FCN2: variants seen among roughly 807,000 people sequenced by gnomAD.
FCN2 encodes ficolin 2.
In FCN2, 31 loss-of-function variants were observed where a neutral mutation model predicts 32.5. The ratio of observed to expected loss-of-function variants is 0.96; its 90% CI spans 0.72 to 1.29. The LOEUF (loss-of-function observed/expected upper bound fraction) is 1.29, where lower values mean the gene tolerates loss of function less well. Ranked by LOEUF, FCN2 falls within the 50% of genes most tolerant of loss-of-function variation. The pLI is 0.00. For synonymous variants in FCN2, 181 were observed against 164.5 expected (o/e 1.10, Z -0.77); for missense variants, 412 against 406.5 (o/e 1.01, Z -0.12).
upstream of FCN2, among the ~76,000 whole-genome samples, chr9:134,879,230 G>C (rs1405727426): frequency 6.6e-6 from 1 of 152,204 alleles, no homozygotes; most frequent in African/African-American, 2.4e-5. Flanking sequence ...TTCTGTTGAA[G>C]TTATCCTGCA....
At chr9:134,881,750 C>T (rs756052670) in intron 1 of FCN2, among the ~76,000 whole-genome samples, 1 of 152,114 alleles carries the variant, frequency 6.6e-6, no homozygotes, top group Non-Finnish European at 1.5e-5. Flanking sequence ...AGCGGGGATT[C>T]GCTTGGAAAC....
chr9:134,867,677 A>G, the FCN2 span, among the ~76,000 whole-genome samples: 16 of 151,794 alleles, frequency 1.1e-4, no homozygotes, highest in Non-Finnish European at 1.5e-5. Context: ...AAAAAAAAAA[A>G]AAGAAGTAAA....
intron 1 of FCN2, among the ~76,000 whole-genome samples, chr9:134,881,748 T>A (rs371618502): frequency 1.2e-4 from 18 of 152,318 alleles, no homozygotes; most frequent in East Asian, 1.2e-3. Flanking sequence ...ACAGCGGGGA[T>A]TCGCTTGGAA....
upstream of FCN2, among the ~76,000 whole-genome samples, chr9:134,877,535 A>C (rs144050916): frequency 0.01 from 1,556 of 152,278 alleles, 28 homozygotes; most frequent in African/African-American, 0.036. Context: ...GAAGGTTGTT[A>C]TTTTAGTGGC....
chr9:134,877,894 C>T (rs1290032473), upstream of FCN2, among the ~76,000 whole-genome samples: 1 of 152,144 alleles, frequency 6.6e-6, no homozygotes, highest in African/African-American at 2.4e-5. Flanking sequence ...AGTATTGATC[C>T]TGGGTGTTTC....
intron 5 of FCN2, among the ~76,000 whole-genome samples, 187 bp downstream of exon 5, chr9:134,885,553 C>G (rs999521844): frequency 3.2e-4 from 48 of 152,120 alleles, no homozygotes; most frequent in Non-Finnish European, 5.9e-4. Flanking sequence ...TGGGTGCTCT[C>G]CTGCTGTGTG....
upstream of FCN2, among the ~76,000 whole-genome samples, chr9:134,876,335 G>A (rs1830603441): frequency 6.6e-6 from 1 of 152,124 alleles, no homozygotes; most frequent in East Asian, 1.9e-4. Flanking sequence ...AAGGAATGTG[G>A]GAAGAATTGC....
At chr9:134,876,274 G>T (rs1489614008), upstream of FCN2, among the ~76,000 whole-genome samples, 4 of 152,160 alleles carry the variant, frequency 2.6e-5, no homozygotes, top group Admixed American at 6.5e-5. Flanking sequence ...TTGGGGAAAT[G>T]CTGGCCTCAT....
chr9:134,869,470 G>A, the FCN2 span, among the ~76,000 whole-genome samples: 538 of 152,298 alleles, frequency 3.5e-3, 1 homozygote, highest in South Asian at 0.016. Context: ...CCCAGACCCC[G>A]CAGAGGGTGG....
Position 134,885,398 on chromosome 9 carries a change from C to G in FCN2, c.429+32C>G, listed in dbSNP as rs76665625. On this transcript the variant is annotated intron_variant, in intron 5 of 7. Coordinates refer to ENST00000291744, the MANE Select transcript of FCN2 (RefSeq NM_004108.3). ...GTGGGGCTGGGCAGAGGCGGTCAGC[C>G]TGGGAGTCCCGGAGGCCAGGCTGCA... 238 of 1,607,500 alleles carry G rather than the reference C, an allele frequency of 1.5e-4. 3 individuals are homozygous for G. In the East Asian group the frequency reaches 3.5e-3, roughly 24 times the overall value.
chr9:134,870,301 C>T, the FCN2 span, among the ~76,000 whole-genome samples: 1 of 152,198 alleles, frequency 6.6e-6, no homozygotes, highest in Non-Finnish European at 1.5e-5. The surrounding 1 kb of genome is among the most constrained non-coding windows in gnomAD (Gnocchi z 4.3). Context: ...TGGAGCCTGG[C>T]CCACCCGGCC....
chr9:134,887,274 C>T lies in FCN2; in HGVS notation c.801C>T (p.Tyr267=). The T allele has an allele frequency of 1.2e-6, 2 of 1,614,180 alleles. No homozygotes were observed. The highest frequency in any genetic ancestry group is 1.1e-5 in the South Asian group (1 of 91,078). The change falls in exon 8 of 8, where the codon TAC becomes TAT. Residue 267 remains tyrosine, a synonymous_variant. Coordinates refer to ENST00000291744, the MANE Select transcript of FCN2 (RefSeq NM_004108.3). ...CAVMFQGAWW[Y]KNCHVSNLNG... ...TGATGTTTCAGGGAGCTTGGTGGTA[C>T]AAAAACTGCCATGTGTCAAACCTGA...
intron 2 of FCN2, 137 bp downstream of exon 2, chr9:134,882,776 C>T: frequency 1.6e-6 from 1 of 634,140 alleles, no homozygotes; most frequent in Non-Finnish European, 2.8e-6. Context: ...AGAACTGACT[C>T]CCAGGGCCCA....
chr9:134,886,107 T>C (rs1219451366), intron 6 of FCN2, among the ~76,000 whole-genome samples: 1 of 152,154 alleles, frequency 6.6e-6, no homozygotes, highest in African/African-American at 2.4e-5. Flanking sequence ...AGCTCTGGGA[T>C]GAAGGCCTCT....
chr9:134,885,321 C>G lies in FCN2; in HGVS notation c.384C>G (p.Pro128=). The change falls in exon 5 of 8, where the codon CCC becomes CCG. Residue 128 remains proline (P), a synonymous_variant. Coordinates refer to ENST00000291744, the MANE Select transcript of FCN2 (RefSeq NM_004108.3). The part of the protein sequence containing the change: ...WHTIYLPDCR[P]LTVLCDMDTD... ...CCATCTACCTGCCCGACTGCCGGCC[C>G]CTGACTGTGCTCTGTGACATGGACA... The G allele has an allele frequency of 6.2e-7, 1 of 1,614,112 alleles. No individual in the cohort carries two copies. The highest frequency in any genetic ancestry group is 8.5e-7 in the Non-Finnish European group (1 of 1,180,020).
At chr9:134,884,851 C>A in intron 4 of FCN2, 79 bp downstream of exon 4, 1 of 1,303,208 alleles carries the variant, frequency 7.7e-7, no homozygotes, top group Non-Finnish European at 1.1e-6. Context: ...GACGCCATTG[C>A]CAGAATGAAG....
Position 134,882,539 on chromosome 9 carries a change from G to C in FCN2, c.114G>C (p.Val38=), listed in dbSNP as rs373206026. ...AADTCPEVKM[V]GLEGSDKLTI... ...GTTTTTCTGCAGAGGTGAAGATGGT[G>C]GGCCTGGAGGGCTCTGACAAGCTCA... Residue 38 remains valine, a synonymous_variant, in exon 2 of 8, where the codon GTG becomes GTC. Coordinates refer to ENST00000291744, the MANE Select transcript of FCN2 (RefSeq NM_004108.3). 2 of 1,614,138 alleles carry C rather than the reference G, an allele frequency of 1.2e-6. No individual in the cohort carries two copies. Among genetic ancestry groups the C allele is most frequent in the African/African-American group, 2.7e-5 (2 of 75,058 alleles).
chr9:134,867,191 G>A, the FCN2 span, among the ~76,000 whole-genome samples: 6 of 118,536 alleles, frequency 5.1e-5, no homozygotes, highest in Admixed American at 9.1e-5. Context: ...ACATGCACAC[G>A]TATGTTTATT....
chr9:134,885,315 C>T lies in FCN2; in HGVS notation c.378C>T (p.Cys126=), dbSNP rs1830731180. Residue 126 remains cysteine, a synonymous_variant, in exon 5 of 8, where the codon TGC becomes TGT. Coordinates refer to ENST00000291744, the MANE Select transcript of FCN2 (RefSeq NM_004108.3). The part of the protein sequence containing the change: ...SGWHTIYLPD[C]RPLTVLCDMD... ...GGCACACCATCTACCTGCCCGACTG[C>T]CGGCCCCTGACTGTGCTCTGTGACA... The T allele has an allele frequency of 6.2e-7, 1 of 1,614,092 alleles. No individual in the cohort carries two copies. The highest frequency in any genetic ancestry group is 2.2e-5 in the East Asian group (1 of 44,870).
Sources: gnomAD v4.1 joint callset for allele counts (sites outside exome capture counted in the v4.1 genomes callset) on GRCh38, gnomAD v4.1.1 for gene constraint, Gnocchi (gnomAD v3.1) non-coding constraint, MANE v1.5 for transcripts, NCBI Gene and HGNC (gene_info 2026-07-23, HGNC 2026-07-21) for gene names.